The following CCDC146 variants were observed in gnomAD, a reference collection of about 807,000 sequenced individuals.
CCDC146 encodes coiled-coil domain-containing protein 146.
In CCDC146, 92 loss-of-function variants were observed where a neutral mutation model predicts 119.3. That is an observed-to-expected ratio of 0.77 (90% confidence interval 0.65 to 0.92). The LOEUF (loss-of-function observed/expected upper bound fraction) is 0.92, where lower values mean the gene tolerates loss of function less well. Among genes scored for constraint, CCDC146 ranks in the 40% least tolerant of loss-of-function variants. The pLI, the probability that CCDC146 is intolerant of heterozygous loss-of-function variation, is 0.00. For synonymous variants in CCDC146, 372 were observed against 371.8 expected (o/e 1.00, Z -0.01); for missense variants, 1,000 against 1,103.0 (o/e 0.91, Z 1.32).
Position 77,294,701 on chromosome 7 carries a change from T to C in CCDC146, c.2703T>C (p.Gly901=). The part of the protein sequence containing the change: ...LEADNRQLPN[G]VYTTAEQRPN... ...CAGATAATCGCCAGCTGCCCAATGG[T>C]GTTTACACAACTGCAGAGCAGCGTC... Residue 901 remains glycine, a synonymous_variant, in exon 19 of 19, where the codon GGT becomes GGC. Coordinates refer to ENST00000285871, the MANE Select transcript of CCDC146 (RefSeq NM_020879.3). 3.1e-6 allele frequency: 5 copies of C among 1,614,186 alleles called. No individual in the cohort carries two copies. The highest frequency in any genetic ancestry group is 4.2e-6 in the Non-Finnish European group (5 of 1,180,032).
chr7:77,231,364 C>T (rs1792623408), intron 2 of CCDC146, among the ~76,000 whole-genome samples: 1 of 152,134 alleles, frequency 6.6e-6, no homozygotes, highest in Non-Finnish European at 1.5e-5. Context: ...AAAAAGTTTG[C>T]TGAGATTGCT....
intron 2 of CCDC146, among the ~76,000 whole-genome samples, chr7:77,189,527 T>A (rs569381153): frequency 6.6e-6 from 1 of 152,324 alleles, no homozygotes; most frequent in South Asian, 2.1e-4. Flanking sequence ...GTTGAGATCA[T>A]GTCTTTCCTC....
At chr7:77,123,403 GGTGT>G (rs557580080) in intron 1 of CCDC146, among the ~76,000 whole-genome samples, 15,573 of 125,180 alleles carry the variant, frequency 0.12, 806 homozygotes, top group East Asian at 0.16. Context: ...GACCCTATAA[GGTGT>G]GTGTGTGTGT....
intron 2 of CCDC146, among the ~76,000 whole-genome samples, chr7:77,213,366 T>TACA (rs1377500844): frequency 2.6e-5 from 4 of 152,090 alleles, no homozygotes; most frequent in Non-Finnish European, 5.9e-5. Flanking sequence ...ATACTGGGAT[T>TACA]ACAGACATGA....
intron 1 of CCDC146, among the ~76,000 whole-genome samples, chr7:77,141,000 A>G (rs1301811151): frequency 6.6e-6 from 1 of 151,984 alleles, no homozygotes; most frequent in Non-Finnish European, 1.5e-5. Flanking sequence ...TACACTTGCC[A>G]TGGTGGTTTG....
intron 2 of CCDC146, among the ~76,000 whole-genome samples, chr7:77,223,719 C>T (rs1792449530): frequency 6.6e-6 from 1 of 152,158 alleles, no homozygotes; most frequent in Non-Finnish European, 1.5e-5. Flanking sequence ...TTAAGATAAG[C>T]TTAGATCAAC....
At chr7:77,287,212 GCA>G in intron 16 of CCDC146, 1 of 596,654 alleles carries the variant, frequency 1.7e-6, no homozygotes, top group Non-Finnish European at 3.0e-6. Context: ...CCTGATGGGA[GCA>G]CATCAGAAGA....
chr7:77,291,659 G>A (rs978831235), intron 17 of CCDC146, among the ~76,000 whole-genome samples: 2 of 152,206 alleles, frequency 1.3e-5, no homozygotes, highest in Non-Finnish European at 2.9e-5. Context: ...AGTGAGCTGA[G>A]ATCACACCAC....
rs1015506565 is a variant in CCDC146, at chr7:77,245,872, A to T, written c.449+3972A>T. Among the ~76,000 whole-genome samples the T allele has an allele frequency of 5.2e-4, 12 of 23,200 alleles. No individual in the cohort carries two copies. In the East Asian group the frequency reaches 8.4e-3, roughly 16 times the overall value. The allele number at this position is 23,200 out of a possible 152,430, so 15.2% of individuals were successfully genotyped here. A position where few individuals can be genotyped will look rare whatever the true frequency, so the allele number is the denominator to read the frequency against. On this transcript the variant is annotated intron_variant, in intron 4 of 18. Coordinates refer to ENST00000285871, the MANE Select transcript of CCDC146 (RefSeq NM_020879.3). Reference sequence around the variant, plus strand: ...CTAGAACAGATTTTACCTTAACTTAAAAAAAAAAAAAAGTTTGCTCTTCTG... The same window carrying T: ...CTAGAACAGATTTTACCTTAACTTATAAAAAAAAAAAAGTTTGCTCTTCTG...
intron 2 of CCDC146, among the ~76,000 whole-genome samples, chr7:77,186,538 A>G (rs973553653): frequency 8.6e-5 from 13 of 151,942 alleles, no homozygotes; most frequent in African/African-American, 3.1e-4. Context: ...GTTAATGAGT[A>G]CAAAATAAAA....
At chr7:77,174,258 T>A (rs919038885) in intron 2 of CCDC146, among the ~76,000 whole-genome samples, 1 of 152,216 alleles carries the variant, frequency 6.6e-6, no homozygotes, top group Admixed American at 6.5e-5. Flanking sequence ...GTTTGATTTC[T>A]TTTTTTGTTG....
intron 1 of CCDC146, among the ~76,000 whole-genome samples, chr7:77,159,122 C>A (rs1183314607): frequency 6.6e-6 from 1 of 152,096 alleles, no homozygotes; most frequent in African/African-American, 2.4e-5. Flanking sequence ...TATCACCATC[C>A]AAAGTTTTAT....
chr7:77,148,020 G>A (rs1040538465), intron 1 of CCDC146, among the ~76,000 whole-genome samples: 18 of 152,230 alleles, frequency 1.2e-4, no homozygotes, highest in African/African-American at 4.3e-4. Context: ...GGAGCCTACA[G>A]AGGCAGGCAG....
chr7:77,225,954 A>G (rs371849565), intron 2 of CCDC146, among the ~76,000 whole-genome samples: 1 of 142,878 alleles, frequency 7.0e-6, no homozygotes, highest in African/African-American at 2.6e-5. Context: ...AAAAAAAAAA[A>G]GGAAGGAGTA....
At chr7:77,164,480 G>A (rs1344263820) in intron 1 of CCDC146, among the ~76,000 whole-genome samples, 2 of 152,124 alleles carry the variant, frequency 1.3e-5, no homozygotes, top group African/African-American at 4.8e-5. Context: ...TGATACCACT[G>A]GCTATTAACA....
intron 10 of CCDC146, 121 bp from the exon 11 acceptor site, chr7:77,274,361 A>T (rs1224477100): frequency 1.4e-6 from 1 of 690,868 alleles, no homozygotes. Flanking sequence ...GAGCCACCAC[A>T]CCTGGCCTGT....
At position 77,232,347 on chromosome 7, in the gene CCDC146, C is replaced by T. The variant is rs1292359585; in HGVS notation, c.157-4600C>T. On this transcript the variant is annotated intron_variant, in intron 2 of 18. Transcript: ENST00000285871. The stretch of plus-strand genomic sequence containing the variant: ...CTGGTTGATCTTGGGTGGTCACAGC[C>T]GTGGGCTTTTCCACAGTCTCCTGGA... Among the ~76,000 whole-genome samples, 4 of 152,116 alleles carry T rather than the reference C, an allele frequency of 2.6e-5. No homozygotes were observed. In the East Asian group the frequency reaches 7.7e-4, roughly 29 times the overall value.
At chr7:77,188,971 G>A (rs1791714677) in intron 2 of CCDC146, among the ~76,000 whole-genome samples, 1 of 152,056 alleles carries the variant, frequency 6.6e-6, no homozygotes, top group Non-Finnish European at 1.5e-5. Flanking sequence ...TGCCAGGGCT[G>A]TTTCTGTAAA....
intron 2 of CCDC146, among the ~76,000 whole-genome samples, chr7:77,171,953 A>C (rs544431282): frequency 3.3e-5 from 5 of 152,340 alleles, no homozygotes; most frequent in Non-Finnish European, 2.9e-5. Context: ...CTCAATATAC[A>C]TGGATGCATA....
Sources: gnomAD v4.1 joint callset for allele counts (sites outside exome capture counted in the v4.1 genomes callset) on GRCh38, gnomAD v4.1.1 for gene constraint, MANE v1.5 for transcripts, NCBI Gene and HGNC (gene_info 2026-07-23, HGNC 2026-07-21) for gene names.